The following LPIN2 variants were observed in gnomAD, a reference collection of about 807,000 sequenced individuals.
LPIN2 encodes lipin 2, also known as phosphatidate phosphatase LPIN2.
LPIN2 carries 55 observed loss-of-function variants against 111.4 expected under a neutral mutation model. The ratio of observed to expected loss-of-function variants is 0.49; its 90% CI spans 0.40 to 0.62. The LOEUF is 0.62. Among genes scored for constraint, LPIN2 ranks in the 20% least tolerant of loss-of-function variants. LPIN2 has a pLI of 0.00. For missense variants in LPIN2, 992 were observed against 1,112.1 expected (o/e 0.89, Z 1.54); for synonymous variants, 425 against 414.0 (o/e 1.03, Z -0.32).
chr18:2,925,332 T>G lies in LPIN2; in HGVS notation c.1830A>C (p.Ser610=). The G allele has an allele frequency of 6.2e-7, 1 of 1,614,080 alleles. No individual in the cohort carries two copies. Among genetic ancestry groups the G allele is most frequent in the Non-Finnish European group, 8.5e-7 (1 of 1,179,934 alleles). ...CTGTGATGGATTCTTCGAGCTCCTGTGATCCCTCGTCACTCGAGGAGTCAT... is the reference window on the plus strand; with the variant it reads ...CTGTGATGGATTCTTCGAGCTCCTGGGATCCCTCGTCACTCGAGGAGTCAT... ...AENDSSSDEG[S]QELEESITVD... is the part of the protein sequence containing the mutation. Residue 610 remains serine, a synonymous_variant, in exon 14 of 20, where the codon TCA becomes TCC. Transcript: ENST00000677752. The surrounding 1 kb of genome is among the most constrained non-coding windows in gnomAD (Gnocchi z 4.1).
At chr18:2,926,043 G>C (rs1044442478) in intron 13 of LPIN2, among the ~76,000 whole-genome samples, 1 of 152,142 alleles carries the variant, frequency 6.6e-6, no homozygotes, top group Non-Finnish European at 1.5e-5. Flanking sequence ...TACTTAGGAG[G>C]CCGAGGCAGG....
intron 16 of LPIN2, 89 bp from the exon 17 acceptor site, chr18:2,922,288 CTT>C: frequency 6.9e-6 from 9 of 1,310,842 alleles, no homozygotes; most frequent in Non-Finnish European, 8.3e-6. Flanking sequence ...ACTTTTCTTT[CTT>C]TTTTTTTTGA....
intron 3 of LPIN2, among the ~76,000 whole-genome samples, chr18:2,953,182 G>C (rs2143125304): frequency 6.6e-6 from 1 of 152,326 alleles, no homozygotes; most frequent in Non-Finnish European, 1.5e-5. Context: ...AGGCTGGAAA[G>C]TTGACATTTT....
chr18:3,005,817 G>T (rs367989155), intron 1 of LPIN2, among the ~76,000 whole-genome samples: 1 of 152,162 alleles, frequency 6.6e-6, no homozygotes, highest in Non-Finnish European at 1.5e-5. Flanking sequence ...CTTGGGCCCA[G>T]AAGTTTGAGA....
chr18:2,943,458 G>GTGTGTT (rs55747910), intron 4 of LPIN2, among the ~76,000 whole-genome samples: 16,209 of 146,222 alleles, frequency 0.11, 970 homozygotes, highest in South Asian at 0.14. Context: ...GTGTGTGTGT[G>GTGTGTT]TATAAATCAA....
intron 1 of LPIN2, among the ~76,000 whole-genome samples, chr18:2,962,820 G>GA (rs147003713): frequency 1.9e-4 from 27 of 145,002 alleles, no homozygotes; most frequent in Non-Finnish European, 2.4e-4. Flanking sequence ...TTTATTACAA[G>GA]AAAAAAAAAA....
intron 1 of LPIN2, among the ~76,000 whole-genome samples, chr18:2,973,846 G>GC (rs2077963738): frequency 6.6e-6 from 1 of 152,298 alleles, no homozygotes; most frequent in South Asian, 2.1e-4. Flanking sequence ...AGCTTTAACT[G>GC]CATCTTGGCT....
intron 5 of LPIN2, 110 bp from the exon 6 acceptor site, chr18:2,939,713 A>G: frequency 2.5e-6 from 3 of 1,194,930 alleles, no homozygotes; most frequent in Non-Finnish European, 3.6e-6. Context: ...TTTATCCTGC[A>G]TATATAAAAA....
intron 2 of LPIN2, among the ~76,000 whole-genome samples, chr18:2,958,169 A>AAAAAAAAAAAAAC (rs2077650032): frequency 6.8e-6 from 1 of 146,572 alleles, no homozygotes; most frequent in Non-Finnish European, 1.5e-5. Flanking sequence ...AACAAAAAAA[A>AAAAAAAAAAAAAC]AAAACAGAAA....
chr18:3,004,461 T>C (rs750814900), intron 1 of LPIN2, among the ~76,000 whole-genome samples: 9 of 152,174 alleles, frequency 5.9e-5, no homozygotes, highest in African/African-American at 1.7e-4. Context: ...TATTAAAATA[T>C]TGGGGGCTGG....
chr18:2,976,675 G>C (rs925081065), intron 1 of LPIN2, among the ~76,000 whole-genome samples: 1 of 152,158 alleles, frequency 6.6e-6, no homozygotes, highest in Non-Finnish European at 1.5e-5. Flanking sequence ...TACTGGCCAT[G>C]AAACTGTACC....
At chr18:2,947,094 G>C (rs1330759277) in intron 4 of LPIN2, among the ~76,000 whole-genome samples, 2 of 152,200 alleles carry the variant, frequency 1.3e-5, no homozygotes. Flanking sequence ...GGTGCTATCT[G>C]TGAAAAGTCT....
Position 2,954,572 on chromosome 18 carries a change from C to T in LPIN2, c.220G>A (p.Val74Met), listed in dbSNP as rs755936540. The T allele has an allele frequency of 2.5e-6, 4 of 1,613,558 alleles. No homozygotes were observed. In the South Asian group the frequency reaches 3.3e-5, roughly 13 times the overall value. The change falls in exon 3 of 20, where the codon GTG becomes ATG. Residue 74 changes from valine to methionine, a missense_variant. By Grantham distance (21) the Val-to-Met change is conservative. Transcript: ENST00000677752. The part of the protein sequence containing the change: ...VIDIEINGSA[V>M]DLHMKLGDNG... The stretch of plus-strand genomic sequence containing the variant: ...TCACCCAACTTCATGTGAAGATCCA[C>T]TGCACTGCCGTTGATTTCTATATCA...
intron 1 of LPIN2, among the ~76,000 whole-genome samples, chr18:2,962,535 A>G (rs1474774279): frequency 6.6e-6 from 1 of 152,234 alleles, no homozygotes; most frequent in East Asian, 1.9e-4. Context: ...AACATAAAAA[A>G]AAAGTGTGGG....
In LPIN2 at chr18:2,954,554, A is replaced by G. The variant is rs2077581849; in HGVS notation, c.238T>C (p.Leu80=). 2.5e-6 allele frequency: 4 copies of G among 1,614,088 alleles called. No homozygotes were observed. The highest frequency in any genetic ancestry group is 2.2e-5 in the East Asian group (1 of 44,884). Residue 80 remains leucine, a synonymous_variant, in exon 3 of 20, where the codon TTG becomes CTG. Transcript: ENST00000677752. ...AAGAAAGCTTCTCCGTTATCACCCA[A>G]CTTCATGTGAAGATCCACTGCACTG... ...NGSAVDLHMK[L]GDNGEAFFVE...
chr18:3,012,669 G>GGCCTCCCGCGC (rs957952403), intron 1 of LPIN2, among the ~76,000 whole-genome samples: 3 of 151,788 alleles, frequency 2.0e-5, no homozygotes, highest in African/African-American at 7.3e-5. Context: ...ATGGAGACGC[G>GGCCTCCCGCGC]GCCTCCCGCG....
chr18:3,007,478 T>C (rs182379664), intron 1 of LPIN2, among the ~76,000 whole-genome samples: 1 of 152,368 alleles, frequency 6.6e-6, no homozygotes, highest in African/African-American at 2.4e-5. Context: ...TCCAGGTACC[T>C]ATTATTAATT....
intron 12 of LPIN2, among the ~76,000 whole-genome samples, chr18:2,927,296 T>A (rs768175552): frequency 9.2e-5 from 14 of 152,242 alleles, no homozygotes; most frequent in Non-Finnish European, 2.1e-4. Context: ...AGTATGGTTC[T>A]CTGGATGAAT....
chr18:2,941,956 G>A (rs867315240), intron 4 of LPIN2, among the ~76,000 whole-genome samples: 3 of 152,074 alleles, frequency 2.0e-5, no homozygotes, highest in Non-Finnish European at 2.9e-5. Flanking sequence ...AGCATAAAGC[G>A]CCATATTATA....
Sources: gnomAD v4.1 joint callset for allele counts (sites outside exome capture counted in the v4.1 genomes callset) on GRCh38, gnomAD v4.1.1 for gene constraint, Gnocchi (gnomAD v3.1) non-coding constraint, MANE v1.5 for transcripts, NCBI Gene and HGNC (gene_info 2026-07-23, HGNC 2026-07-21) for gene names.